NCKAP5: variants seen among roughly 807,000 people sequenced by gnomAD.
NCKAP5 encodes the protein nck-associated protein 5.
A neutral mutation model predicts 167.0 loss-of-function variants in NCKAP5; 92 were observed. That is an observed-to-expected ratio of 0.55 (90% CI 0.47 to 0.66). The LOEUF (loss-of-function observed/expected upper bound fraction) is 0.66, where lower values mean the gene tolerates loss of function less well. NCKAP5 is among the 30% of genes least tolerant of loss of function. NCKAP5 has a pLI of 0.00. For synonymous variants in NCKAP5, 891 were observed against 877.4 expected (o/e 1.02, Z -0.27); for missense variants, 2,378 against 2,315.0 (o/e 1.03, Z -0.56).
intron 5 of NCKAP5, among the ~76,000 whole-genome samples, chr2:133,187,747 C>A (rs1318706225): frequency 6.6e-6 from 1 of 151,958 alleles, no homozygotes; most frequent in Non-Finnish European, 1.5e-5. Context: ...TTCTTTGTCT[C>A]TTTTGATCTT....
At chr2:133,210,528 C>A (rs2086167061) in intron 5 of NCKAP5, among the ~76,000 whole-genome samples, 1 of 152,090 alleles carries the variant, frequency 6.6e-6, no homozygotes, top group South Asian at 2.1e-4. Flanking sequence ...TTTTCCATTT[C>A]TGCTACAGAC....
intron 3 of NCKAP5, among the ~76,000 whole-genome samples, chr2:133,503,555 C>T (rs181596912): frequency 3.3e-4 from 50 of 152,298 alleles, no homozygotes; most frequent in African/African-American, 1.2e-3. Context: ...CCTGCAGCAA[C>T]ACACTTATCA....
At chr2:132,889,868 T>C (rs1273652728) in intron 8 of NCKAP5, among the ~76,000 whole-genome samples, 1 of 151,988 alleles carries the variant, frequency 6.6e-6, no homozygotes, top group African/African-American at 2.4e-5. Flanking sequence ...AACAAACTGA[T>C]CATATGCAAA....
chr2:132,734,084 C>A (rs1691288132), intron 16 of NCKAP5, among the ~76,000 whole-genome samples: 1 of 152,162 alleles, frequency 6.6e-6, no homozygotes, highest in Non-Finnish European at 1.5e-5. Context: ...AGGGTTTTAG[C>A]CTCATTAATT....
intron 3 of NCKAP5, among the ~76,000 whole-genome samples, chr2:133,506,551 G>A (rs996758174): frequency 3.9e-5 from 6 of 152,126 alleles, no homozygotes; most frequent in Non-Finnish European, 7.3e-5. Flanking sequence ...GAGTGTTCAC[G>A]TCCCGATCCC....
intron 3 of NCKAP5, among the ~76,000 whole-genome samples, chr2:133,479,349 C>T (rs1680221888): frequency 6.6e-6 from 1 of 152,174 alleles, no homozygotes. Flanking sequence ...AATCACTTTG[C>T]TAACGAAGTA....
intron 15 of NCKAP5, among the ~76,000 whole-genome samples, chr2:132,776,876 G>A (rs1194349306): frequency 6.6e-6 from 1 of 152,086 alleles, no homozygotes; most frequent in Non-Finnish European, 1.5e-5. Flanking sequence ...GGGCTGCCAG[G>A]TCAAGCATTT....
At chr2:133,293,431 C>G (rs962371607) in intron 4 of NCKAP5, among the ~76,000 whole-genome samples, 1 of 152,124 alleles carries the variant, frequency 6.6e-6, no homozygotes, top group Non-Finnish European at 1.5e-5. Context: ...AGATCGATCC[C>G]AAGGTGCAAG....
chr2:133,233,292 G>A (rs1199534942), intron 4 of NCKAP5, among the ~76,000 whole-genome samples: 3 of 152,128 alleles, frequency 2.0e-5, no homozygotes, highest in Non-Finnish European at 4.4e-5. Flanking sequence ...CCCTCCGAAA[G>A]CTAGAAGTTG....
intron 4 of NCKAP5, among the ~76,000 whole-genome samples, chr2:133,273,226 T>C (rs2089592121): frequency 6.6e-6 from 1 of 152,190 alleles, no homozygotes; most frequent in Non-Finnish European, 1.5e-5. Flanking sequence ...CCTTTGTTTA[T>C]AGTCATGCTA....
intron 19 of NCKAP5, among the ~76,000 whole-genome samples, chr2:132,691,348 A>G (rs1686700830): frequency 6.6e-6 from 1 of 152,036 alleles, no homozygotes; most frequent in Non-Finnish European, 1.5e-5. Flanking sequence ...TTTGCTGACA[A>G]TGAATCCTAA....
chr2:133,331,943 G>T (rs148872196), intron 3 of NCKAP5, among the ~76,000 whole-genome samples: 19 of 152,336 alleles, frequency 1.2e-4, no homozygotes, highest in African/African-American at 4.1e-4. Context: ...GGGAGTAGAT[G>T]CTATTTACAC....
chr2:132,760,304 A>T (rs1450390356), intron 16 of NCKAP5, among the ~76,000 whole-genome samples: 1 of 151,948 alleles, frequency 6.6e-6, no homozygotes, highest in African/African-American at 2.4e-5. Flanking sequence ...ATTTATTATT[A>T]TTTTTTTCTA....
chr2:133,144,007 T>A (rs1186878580), intron 5 of NCKAP5, among the ~76,000 whole-genome samples: 1 of 152,140 alleles, frequency 6.6e-6, no homozygotes, highest in Non-Finnish European at 1.5e-5. Flanking sequence ...AGCCTCTCCC[T>A]TTCCAGGACC....
chr2:132,753,400 T>A (rs1020375172), intron 16 of NCKAP5, among the ~76,000 whole-genome samples: 3 of 152,172 alleles, frequency 2.0e-5, no homozygotes, highest in African/African-American at 4.8e-5. Flanking sequence ...TCCCAATATG[T>A]TTCTGATGTA....
At chr2:133,468,656 T>C (rs554334290) in intron 3 of NCKAP5, among the ~76,000 whole-genome samples, 1 of 152,348 alleles carries the variant, frequency 6.6e-6, no homozygotes, top group South Asian at 2.1e-4. Context: ...AGTCTCTTTG[T>C]AGGTCACTCA....
At chr2:132,847,072 T>G (rs987020221) in intron 11 of NCKAP5, among the ~76,000 whole-genome samples, 1 of 152,200 alleles carries the variant, frequency 6.6e-6, no homozygotes, top group African/African-American at 2.4e-5. Flanking sequence ...AAGTAGGAAA[T>G]GGGCCATATT....
At chr2:132,756,737 T>C (rs1431672315) in intron 16 of NCKAP5, among the ~76,000 whole-genome samples, 1 of 152,182 alleles carries the variant, frequency 6.6e-6, no homozygotes, top group Non-Finnish European at 1.5e-5. Flanking sequence ...ATGACATCTT[T>C]GGAAATGCGA....
intron 19 of NCKAP5, among the ~76,000 whole-genome samples, chr2:132,718,474 C>T (rs180987442): frequency 3.5e-4 from 54 of 152,222 alleles, no homozygotes; most frequent in African/African-American, 1.2e-3. Flanking sequence ...CCAGGAGGCA[C>T]GGGACTATTT....
Sources: gnomAD v4.1 joint callset for allele counts (sites outside exome capture counted in the v4.1 genomes callset) on GRCh38, gnomAD v4.1.1 for gene constraint, MANE v1.5 for transcripts, NCBI Gene and HGNC (gene_info 2026-07-23, HGNC 2026-07-21) for gene names.